Variants in ZNF536 observed in about 807,000 individuals in gnomAD.
ZNF536 encodes the protein zinc finger protein 536.
Under a neutral mutation model 84.5 loss-of-function variants are expected in ZNF536, and 13 were observed. That is an observed-to-expected ratio of 0.15 (90% CI 0.10 to 0.24). The LOEUF (loss-of-function observed/expected upper bound fraction) is 0.24, where lower values mean the gene tolerates loss of function less well. ZNF536 is among the 10% of genes least tolerant of loss of function. ZNF536 has a pLI of 1.00. For synonymous variants in ZNF536, 811 were observed against 742.5 expected, an observed-to-expected ratio of 1.09 and a Z score of -1.50; for missense variants, 1,536 against 1,747.5, an observed-to-expected ratio of 0.88 and a Z score of 2.16.
rs57656065 is a variant in ZNF536 at position 30,667,625 on chromosome 19, C to CTTTTTTT, written c.170-43123_170-43117dup. Among the ~76,000 whole-genome samples, 511 of 124,000 alleles carry CTTTTTTT rather than the reference C, an allele frequency of 4.1e-3. 17 individuals carry two copies. Among genetic ancestry groups the CTTTTTTT allele is most frequent in the African/African-American group, 0.015 (475 of 31,280 alleles). 81.3% of individuals were successfully genotyped at this position (124,000 alleles called of 152,430 possible). A position where few individuals can be genotyped will look rare whatever the true frequency, so the allele number is the denominator to read the frequency against. The stretch of plus-strand genomic sequence containing the variant: ...CTCTCTCAGCTAGAGTTTTTTCTAG[C>CTTTTTTT]TTTTTTTTTTTTTTTAATTAATGAG... On this transcript the variant is annotated intron_variant, in intron 1 of 1. Coordinates refer to the ZNF536 transcript ENST00000592773.
intron 1 of ZNF536, among the ~76,000 whole-genome samples, chr19:30,638,956 C>T (rs1293556152): frequency 6.6e-6 from 1 of 152,178 alleles, no homozygotes; most frequent in Non-Finnish European, 1.5e-5. Flanking sequence ...TGGCGATTCC[C>T]ATTTTCTACC....
At chr19:30,619,001 G>C (rs747769291) in intron 1 of ZNF536, among the ~76,000 whole-genome samples, 14 of 152,124 alleles carry the variant, frequency 9.2e-5, no homozygotes, top group Non-Finnish European at 1.3e-4. Flanking sequence ...ACATTTACAA[G>C]TGCAGTTTTA....
At chr19:30,559,244 A>C (rs1276653814), downstream of ZNF536, among the ~76,000 whole-genome samples, 1 of 152,200 alleles carries the variant, frequency 6.6e-6, no homozygotes, top group African/African-American at 2.4e-5. Context: ...TGAAGCTGGG[A>C]GCACATACCA....
intron 2 of ZNF536, among the ~76,000 whole-genome samples, chr19:30,461,033 T>G (rs936525482): frequency 1.3e-5 from 2 of 152,116 alleles, no homozygotes; most frequent in African/African-American, 4.8e-5. Context: ...TCAGGCCGTG[T>G]GGGCGCGTCG....
At chr19:30,411,001 T>C (rs930891362) in intron 1 of ZNF536, among the ~76,000 whole-genome samples, 2 of 152,240 alleles carry the variant, frequency 1.3e-5, no homozygotes, top group African/African-American at 4.8e-5. Flanking sequence ...TCTCTTAAAC[T>C]TGGACAAAAT....
intron 1 of ZNF536, among the ~76,000 whole-genome samples, chr19:30,380,954 G>T (rs1029489976): frequency 2.7e-4 from 41 of 152,172 alleles, no homozygotes; most frequent in Admixed American, 2.6e-3. Context: ...ACCGCTCACT[G>T]CAGCCTCCAA....
At chr19:30,399,679 GTTT>G (rs71171801) in intron 1 of ZNF536, among the ~76,000 whole-genome samples, 9 of 112,864 alleles carry the variant, frequency 8.0e-5, no homozygotes, top group Admixed American at 9.7e-5. Flanking sequence ...AATAAGAAAT[GTTT>G]TTTTTTTTTT....
At chr19:30,671,982 C>T (rs570896449) in intron 1 of ZNF536, among the ~76,000 whole-genome samples, 21 of 152,292 alleles carry the variant, frequency 1.4e-4, no homozygotes, top group African/African-American at 5.1e-4. Context: ...CTTTACGGAG[C>T]GTGGTCACCG....
intron 2 of ZNF536, among the ~76,000 whole-genome samples, chr19:30,333,142 C>A (rs114565625): frequency 0.016 from 2,392 of 151,646 alleles, 69 homozygotes; most frequent in African/African-American, 0.054. Flanking sequence ...TGGAGTGAGA[C>A]CCTGTCTTCA....
chr19:30,686,539 A>C (rs2051192003), intron 1 of ZNF536, among the ~76,000 whole-genome samples: 1 of 152,208 alleles, frequency 6.6e-6, no homozygotes, highest in Admixed American at 6.5e-5. Flanking sequence ...ACCGTGGCCC[A>C]GTGGCCCAGT....
intron 3 of ZNF536, among the ~76,000 whole-genome samples, chr19:30,544,526 G>T (rs894987668): frequency 6.6e-6 from 1 of 152,066 alleles, no homozygotes; most frequent in Non-Finnish European, 1.5e-5. Context: ...CTGTGCACTC[G>T]CATGCTGTGT....
intron 3 of ZNF536, among the ~76,000 whole-genome samples, chr19:30,360,125 G>GC (rs1490337338): frequency 4.6e-5 from 7 of 152,200 alleles, no homozygotes; most frequent in Non-Finnish European, 1.0e-4. Context: ...ATCGGGGCAG[G>GC]CCCCCAGATA....
rs1414897828 is a variant in ZNF536 at position 30,664,202 on chromosome 19, TTTTCTC to T, written c.170-46553_170-46548del. ...GCTATCTAGAGGAATTCTTGCTGAG[TTTTCTC>T]TCTCTCTCTCTCTCTCTCTCTCTCT... is the stretch of plus-strand genomic sequence containing the variant. On this transcript the variant is annotated intron_variant, in intron 1 of 1. Coordinates refer to the ZNF536 transcript ENST00000592773. Among the ~76,000 whole-genome samples, 40 of 118,508 alleles carry T rather than the reference TTTTCTC, an allele frequency of 3.4e-4. 4 individuals are homozygous for T. The highest frequency in any genetic ancestry group is 9.3e-4 in the African/African-American group (32 of 34,380). 77.7% of individuals were successfully genotyped at this position (118,508 alleles called of 152,430 possible).
At chr19:30,485,924 G>A (rs543392847) in intron 2 of ZNF536, among the ~76,000 whole-genome samples, 5 of 152,038 alleles carry the variant, frequency 3.3e-5, no homozygotes, top group African/African-American at 1.2e-4. Flanking sequence ...CTCCAACCTG[G>A]AGAACCCATA....
intron 1 of ZNF536, among the ~76,000 whole-genome samples, chr19:30,392,094 C>T (rs1176713141): frequency 6.6e-6 from 1 of 152,108 alleles, no homozygotes; most frequent in Non-Finnish European, 1.5e-5. Flanking sequence ...AGGGGAGGTG[C>T]TCAGCTTCCA....
rs542729709 is a variant in ZNF536, at chr19:30,288,810, C to T, written c.-120+4669C>T. ...TAGGCATTTAGTACAAGCATGGCAC[C>T]GTTGTTATTTTCATTTCCTCTATTC... is the stretch of plus-strand genomic sequence containing the variant. On this transcript the variant is annotated intron_variant, in intron 2 of 5. Coordinates refer to the ZNF536 transcript ENST00000585628. Among the ~76,000 whole-genome samples the T allele has an allele frequency of 2.6e-4, 40 of 152,266 alleles. 1 individual carries two copies. In the South Asian group the frequency reaches 7.2e-3, roughly 28 times the overall value.
chr19:30,231,740 G>T (rs374710419), intron 1 of ZNF536, among the ~76,000 whole-genome samples: 39 of 152,312 alleles, frequency 2.6e-4, no homozygotes, highest in African/African-American at 8.7e-4. Context: ...AATGTGTGTG[G>T]TCAGAATGCG....
rs200232895 is a variant in ZNF536, at chr19:30,383,835, TTTCCTTCCTTCC to T, written c.-3+11305_-3+11316del. On this transcript the variant is annotated intron_variant, in intron 1 of 4. Coordinates refer to ENST00000355537, the MANE Select transcript of ZNF536 (RefSeq NM_014717.3). ...TTCTCTCTTTCTTTCTTTCTCCTTC[TTTCCTTCCTTCC>T]TTCCTTCCTTCCTTCCTTCCTTCCT... 4.3e-3 allele frequency among the ~76,000 whole-genome samples: 412 copies of T among 95,510 alleles called. 2 individuals are homozygous for T. Among genetic ancestry groups the T allele is most frequent in the African/African-American group, 0.011 (231 of 20,412 alleles). The allele number at this position is 95,510 out of a possible 152,430, so 62.7% of individuals were successfully genotyped here. A position where few individuals can be genotyped will look rare whatever the true frequency, so the allele number is the denominator to read the frequency against.
chr19:30,413,537 A>T (rs749217671), intron 1 of ZNF536, among the ~76,000 whole-genome samples: 2 of 152,194 alleles, frequency 1.3e-5, no homozygotes, highest in Non-Finnish European at 2.9e-5. Flanking sequence ...GAGATGTTGC[A>T]TGGATGTTTG....
Sources: gnomAD v4.1 joint callset for allele counts (sites outside exome capture counted in the v4.1 genomes callset) on GRCh38, gnomAD v4.1.1 for gene constraint, MANE v1.5 for transcripts, NCBI Gene and HGNC (gene_info 2026-07-23, HGNC 2026-07-21) for gene names.